GALK2: variants seen among roughly 807,000 people sequenced by gnomAD.
GALK2 encodes the protein galactokinase 2, also known as N-acetylgalactosamine kinase.
In GALK2, 36 loss-of-function variants were observed where a neutral mutation model predicts 52.4. The observed-to-expected ratio is 0.69, with a 90% CI of 0.53 to 0.91. The LOEUF (loss-of-function observed/expected upper bound fraction) is 0.91, where lower values mean the gene tolerates loss of function less well. Among genes scored for constraint, GALK2 ranks in the 40% least tolerant of loss-of-function variants. GALK2 has a pLI of 0.00. For synonymous variants in GALK2, 176 were observed against 199.1 expected, an observed-to-expected ratio of 0.88 and a Z score of 0.98; for missense variants, 579 against 559.1, an observed-to-expected ratio of 1.04 and a Z score of -0.36.
At chr15:49,326,413 G>A (rs938328595) in intron 9 of GALK2, among the ~76,000 whole-genome samples, 19 of 151,650 alleles carry the variant, frequency 1.3e-4, no homozygotes, top group African/African-American at 3.9e-4. Context: ...GTGTGCACCC[G>A]GCTAATTTTT....
intron 5 of GALK2, among the ~76,000 whole-genome samples, chr15:49,278,912 A>G (rs2141741699): frequency 6.6e-6 from 1 of 152,372 alleles, no homozygotes; most frequent in East Asian, 1.9e-4. Context: ...CAATCATGGC[A>G]GAAGGCAAAG....
At chr15:49,210,642 C>T (rs930387426) in intron 2 of GALK2, among the ~76,000 whole-genome samples, 4 of 151,598 alleles carry the variant, frequency 2.6e-5, no homozygotes, top group South Asian at 2.1e-4. Context: ...GGTTTCACCA[C>T]GAAGGCCAGG....
upstream of GALK2, chr15:49,170,109 C>A: frequency 8.7e-7 from 1 of 1,151,646 alleles, no homozygotes; most frequent in Non-Finnish European, 1.2e-6. Flanking sequence ...TACCTGACTG[C>A]TGCTTGGAGG....
intron 5 of GALK2, among the ~76,000 whole-genome samples, chr15:49,265,458 T>C (rs994882705): frequency 6.6e-6 from 1 of 152,248 alleles, no homozygotes; most frequent in Non-Finnish European, 1.5e-5. Context: ...GATGCGATTT[T>C]CCAGGTGCTG....
chr15:49,275,227 T>C (rs1432578864), intron 5 of GALK2, among the ~76,000 whole-genome samples: 1 of 152,224 alleles, frequency 6.6e-6, no homozygotes, highest in East Asian at 1.9e-4. Flanking sequence ...GTTTTACTCT[T>C]ATGAGACCAC....
At chr15:49,234,752 G>A (rs1315268185) in intron 3 of GALK2, among the ~76,000 whole-genome samples, 1 of 151,838 alleles carries the variant, frequency 6.6e-6, no homozygotes, top group Non-Finnish European at 1.5e-5. Flanking sequence ...TGGGGACACA[G>A]CCAAACCATA....
At chr15:49,319,012 G>A (rs181186824) in intron 8 of GALK2, 12 of 438,788 alleles carry the variant, frequency 2.7e-5, no homozygotes, top group South Asian at 1.1e-4. Flanking sequence ...GTGCAACGGC[G>A]TGATCTCAGC....
intron 8 of GALK2, among the ~76,000 whole-genome samples, chr15:49,310,516 G>T (rs1024473548): frequency 6.6e-6 from 1 of 152,118 alleles, no homozygotes; most frequent in Non-Finnish European, 1.5e-5. Flanking sequence ...GTGTAGAAGA[G>T]TTCCCTTTTC....
intron 8 of GALK2, among the ~76,000 whole-genome samples, chr15:49,308,234 T>A (rs1362622085): frequency 6.6e-6 from 1 of 152,198 alleles, no homozygotes; most frequent in Non-Finnish European, 1.5e-5. Context: ...TCCTCATCCA[T>A]CTCTGGATTG....
intron 5 of GALK2, among the ~76,000 whole-genome samples, chr15:49,265,405 G>A (rs577376211): frequency 2.0e-5 from 3 of 152,348 alleles, no homozygotes; most frequent in African/African-American, 7.2e-5. Flanking sequence ...CTGGTGTGCC[G>A]TTTTTTAAGC....
chr15:49,333,701 T>C (rs905335258), downstream of GALK2, among the ~76,000 whole-genome samples: 8 of 152,284 alleles, frequency 5.3e-5, no homozygotes, highest in Non-Finnish European at 1.0e-4. Flanking sequence ...CACAAAGTTA[T>C]AGTCTCCCTA....
intron 8 of GALK2, among the ~76,000 whole-genome samples, chr15:49,318,666 A>T (rs1025224345): frequency 3.3e-5 from 5 of 152,172 alleles, no homozygotes; most frequent in African/African-American, 9.6e-5. Flanking sequence ...AACATTATAT[A>T]TCCCATATAA....
Position 49,246,131 on chromosome 15 carries a change from C to T in GALK2, c.504+6764C>T, listed in dbSNP as rs190805064. ...TCTTTCGCCAAGAAAATGTTAGTTG[C>T]TGAGGTGTTCTACAAGATATGCCTG... On this transcript the variant is annotated intron_variant, in intron 5 of 9. Coordinates refer to ENST00000560031, the MANE Select transcript of GALK2 (RefSeq NM_002044.4). 2.4e-4 allele frequency among the ~76,000 whole-genome samples: 37 copies of T among 152,236 alleles called. No homozygotes were observed. The East Asian group carries it at 6.9e-3, about 29-fold the overall frequency.
intron 3 of GALK2, chr15:49,353,555 C>T (rs2042564918): frequency 6.6e-6 from 1 of 151,140 alleles, no homozygotes; most frequent in Admixed American, 6.6e-5. Context: ...TGAAAAATCT[C>T]ATTAACAGAT....
chr15:49,198,306 C>G (rs1403571504), intron 1 of GALK2, among the ~76,000 whole-genome samples: 1 of 152,160 alleles, frequency 6.6e-6, no homozygotes, highest in Non-Finnish European at 1.5e-5. Context: ...TATTCACCTG[C>G]ACAGACTGGA....
intron 2 of GALK2, among the ~76,000 whole-genome samples, chr15:49,211,434 G>A (rs974342701): frequency 1.3e-5 from 2 of 152,042 alleles, no homozygotes; most frequent in African/African-American, 2.4e-5. Context: ...TTTTTTCTGA[G>A]CCCTCCAAAC....
chr15:49,223,333 T>C lies in GALK2; in HGVS notation c.266+6020T>C, dbSNP rs559104394. ...CAATTTTGTTCTTCTTTTCAAATAA[T>C]CAACTTTCCATTTTCTTGATTCTTT... On this transcript the variant is annotated intron_variant, in intron 3 of 9. Transcript: ENST00000560031. 9.1e-4 allele frequency among the ~76,000 whole-genome samples: 138 copies of C among 152,334 alleles called. 5 individuals are homozygous for C. In the South Asian group the frequency reaches 0.027, roughly 30 times the overall value.
intron 1 of GALK2, among the ~76,000 whole-genome samples, chr15:49,196,046 C>T (rs941829105): frequency 6.6e-6 from 1 of 151,674 alleles, no homozygotes; most frequent in Admixed American, 6.6e-5. Flanking sequence ...TGCTTTATCC[C>T]CCATATTATT....
At chr15:49,289,778 C>T (rs1235784322) in intron 7 of GALK2, among the ~76,000 whole-genome samples, 1 of 152,148 alleles carries the variant, frequency 6.6e-6, no homozygotes, top group Non-Finnish European at 1.5e-5. Context: ...GGATCACCTT[C>T]CCCTCAAATT....
Sources: allele counts gnomAD v4.1 joint callset (sites outside exome capture counted in the v4.1 genomes callset), GRCh38; gene constraint gnomAD v4.1.1; transcripts MANE v1.5; gene names NCBI Gene and HGNC (gene_info 2026-07-23, HGNC 2026-07-21).